CTNNA3: variants seen among roughly 807,000 people sequenced by gnomAD.
The protein encoded by CTNNA3 is catenin alpha-3.
CTNNA3 carries 76 observed loss-of-function variants against 95.7 expected under a neutral mutation model. The ratio of observed to expected loss-of-function variants is 0.79; its 90% CI spans 0.66 to 0.96. CTNNA3 has a LOEUF of 0.96. CTNNA3 is among the 40% of genes least tolerant of loss of function. The pLI, the probability that CTNNA3 is intolerant of heterozygous loss-of-function variation, is 0.00. For missense variants in CTNNA3, 1,191 were observed against 1,089.8 expected, an observed-to-expected ratio of 1.09 and a Z score of -1.31; for synonymous variants, 431 against 374.4, an observed-to-expected ratio of 1.15 and a Z score of -1.74.
chr10:67,396,562 G>A (rs903298129), intron 5 of CTNNA3, among the ~76,000 whole-genome samples: 2 of 152,134 alleles, frequency 1.3e-5, no homozygotes, highest in East Asian at 1.9e-4. Context: ...TAACAGGAAT[G>A]TCTACTGTTG....
intron 2 of CTNNA3, among the ~76,000 whole-genome samples, chr10:67,637,825 G>A (rs1215799277): frequency 6.7e-6 from 1 of 148,214 alleles, no homozygotes; most frequent in East Asian, 1.9e-4. Context: ...GAGAGATTTT[G>A]TCACCAACAG....
chr10:67,422,838 T>A (rs1845794324), intron 5 of CTNNA3, among the ~76,000 whole-genome samples: 1 of 152,134 alleles, frequency 6.6e-6, no homozygotes, highest in Admixed American at 6.5e-5. Context: ...AGTTACCCAG[T>A]CTCAGGTAGT....
chr10:66,594,518 C>T (rs1843649553), intron 10 of CTNNA3, among the ~76,000 whole-genome samples: 1 of 152,242 alleles, frequency 6.6e-6, no homozygotes, highest in South Asian at 2.1e-4. Flanking sequence ...CTCAAGTCTG[C>T]ATCTCTTCAT....
At chr10:66,858,768 T>C (rs1197641677) in intron 7 of CTNNA3, among the ~76,000 whole-genome samples, 2 of 151,964 alleles carry the variant, frequency 1.3e-5, no homozygotes, top group African/African-American at 4.8e-5. Flanking sequence ...TTTAGTTGGA[T>C]ATCCTCTCTT....
chr10:66,517,785 C>A (rs184474995), intron 11 of CTNNA3, among the ~76,000 whole-genome samples: 8 of 152,196 alleles, frequency 5.3e-5, no homozygotes, highest in African/African-American at 1.9e-4. Context: ...CTCTTGGGGT[C>A]TAGAATGGGA....
At chr10:66,949,229 T>C (rs886939377) in intron 7 of CTNNA3, among the ~76,000 whole-genome samples, 1 of 152,192 alleles carries the variant, frequency 6.6e-6, no homozygotes, top group African/African-American at 2.4e-5. Context: ...CTATCAGTTG[T>C]GGAAATATTA....
chr10:67,387,331 G>T (rs190076169), intron 5 of CTNNA3, among the ~76,000 whole-genome samples: 5 of 152,118 alleles, frequency 3.3e-5, no homozygotes, highest in African/African-American at 9.7e-5. Flanking sequence ...ACTCCCACCC[G>T]AATACTGCGC....
chr10:66,953,827 G>C (rs1848659566), intron 7 of CTNNA3, among the ~76,000 whole-genome samples: 1 of 152,128 alleles, frequency 6.6e-6, no homozygotes, highest in Non-Finnish European at 1.5e-5. Context: ...CCAGGTTCTA[G>C]AGACACTGGT....
At chr10:66,732,250 G>A (rs1011642997) in intron 9 of CTNNA3, among the ~76,000 whole-genome samples, 9 of 152,232 alleles carry the variant, frequency 5.9e-5, no homozygotes, top group East Asian at 1.9e-4. Flanking sequence ...CTGTGAGCTT[G>A]GAGGTGGGCA....
At chr10:66,465,135 C>G (rs1195015555) in intron 11 of CTNNA3, among the ~76,000 whole-genome samples, 1 of 152,058 alleles carries the variant, frequency 6.6e-6, no homozygotes, top group African/African-American at 2.4e-5. Context: ...TAGAAGCTAA[C>G]AAAATGTCCC....
At chr10:67,320,785 T>C (rs1373657635) in intron 5 of CTNNA3, among the ~76,000 whole-genome samples, 3 of 152,194 alleles carry the variant, frequency 2.0e-5, no homozygotes, top group Non-Finnish European at 4.4e-5. Context: ...CTATAGTAAG[T>C]CTGGGCATAT....
intron 5 of CTNNA3, among the ~76,000 whole-genome samples, chr10:67,358,488 A>G (rs954759672): frequency 1.2e-4 from 19 of 152,134 alleles, no homozygotes; most frequent in Non-Finnish European, 2.8e-4. Context: ...CAGTTTGAAG[A>G]AGGAGGAAGC....
chr10:66,924,893 T>C (rs996623930), intron 7 of CTNNA3, among the ~76,000 whole-genome samples: 19 of 152,272 alleles, frequency 1.2e-4, no homozygotes, highest in Middle Eastern at 3.4e-3. Flanking sequence ...AGCTGGTAAA[T>C]TGTAGCCAGG....
intron 13 of CTNNA3, among the ~76,000 whole-genome samples, chr10:66,251,658 A>G (rs903035709): frequency 6.6e-6 from 1 of 152,234 alleles, no homozygotes; most frequent in African/African-American, 2.4e-5. Context: ...ACAGCTATAT[A>G]ATAAATGTTT....
At chr10:66,086,153 T>C (rs1454212547) in intron 14 of CTNNA3, among the ~76,000 whole-genome samples, 1 of 152,130 alleles carries the variant, frequency 6.6e-6, no homozygotes. Flanking sequence ...AAAATTCCAT[T>C]CAGGCACTAG....
At chr10:66,594,185 A>G (rs1368154174) in intron 10 of CTNNA3, among the ~76,000 whole-genome samples, 2 of 151,730 alleles carry the variant, frequency 1.3e-5, no homozygotes, top group East Asian at 3.9e-4. Context: ...CTGGAACCCC[A>G]GAGAGTCTAC....
chr10:66,645,071 T>G (rs183788185), intron 9 of CTNNA3, among the ~76,000 whole-genome samples: 1 of 152,318 alleles, frequency 6.6e-6, no homozygotes, highest in Admixed American at 6.5e-5. Context: ...CAACCTAAGG[T>G]GTTTATCAAC....
At position 66,080,720 on chromosome 10, in the gene CTNNA3, G is replaced by A. The variant is rs966752759; in HGVS notation, c.1978-11231C>T. 3.1e-4 allele frequency among the ~76,000 whole-genome samples: 47 copies of A among 152,080 alleles called. 1 individual carries two copies. The highest frequency in any genetic ancestry group is 8.7e-4 in the African/African-American group (36 of 41,428). ...AGATGGAACTCAACTCTGCTGAAGC[G>A]AAGTGAAGGAGAGTTTTTAAGCACT... On this transcript the variant is annotated intron_variant, in intron 14 of 17. Coordinates refer to ENST00000433211, the MANE Select transcript of CTNNA3 (RefSeq NM_013266.4).
intron 7 of CTNNA3, among the ~76,000 whole-genome samples, chr10:67,065,297 C>A (rs1856009815): frequency 2.0e-5 from 3 of 151,926 alleles, no homozygotes; most frequent in African/African-American, 7.3e-5. Flanking sequence ...ATTTAAAAAC[C>A]AAGGTTAATA....
Sources: allele counts gnomAD v4.1 joint callset (sites outside exome capture counted in the v4.1 genomes callset), GRCh38; gene constraint gnomAD v4.1.1; transcripts MANE v1.5; gene names NCBI Gene and HGNC (gene_info 2026-07-23, HGNC 2026-07-21).